The following ABHD12B variants were observed in gnomAD, a reference collection of about 807,000 sequenced individuals.
ABHD12B encodes the protein abhydrolase domain containing 12B, also known as protein ABHD12B.
Under a neutral mutation model 50.4 loss-of-function variants are expected in ABHD12B, and 42 were observed. The observed-to-expected ratio is 0.83, with a 90% CI of 0.65 to 1.08. The LOEUF (loss-of-function observed/expected upper bound fraction) is 1.08, where lower values mean the gene tolerates loss of function less well. Among genes scored for constraint, ABHD12B ranks in the 50% least tolerant of loss-of-function variants. The probability of loss-of-function intolerance (pLI) is 0.00; values close to 1 mark genes in which losing one functional copy is unlikely to be tolerated. For synonymous variants in ABHD12B, 167 were observed against 160.3 expected (o/e 1.04, Z -0.32); for missense variants, 479 against 447.7 (o/e 1.07, Z -0.63).
At position 50,876,516 on chromosome 14, in the gene ABHD12B, T is replaced by G. The variant is rs563649816; in HGVS notation, c.105-1436T>G. Among the ~76,000 whole-genome samples the G allele has an allele frequency of 1.1e-3, 171 of 152,252 alleles. 5 individuals are homozygous for G. In the South Asian group the frequency reaches 0.034, roughly 31 times the overall value. On this transcript the variant is annotated intron_variant, in intron 1 of 12. Coordinates refer to ENST00000337334, the MANE Select transcript of ABHD12B (RefSeq NM_001206673.2). ...CGGGACCCTGCTGAGAGGGCTAAGGTGCAGAAGGAGATCTTAAAACAAGAT... is the reference window on the plus strand; with the variant it reads ...CGGGACCCTGCTGAGAGGGCTAAGGGGCAGAAGGAGATCTTAAAACAAGAT...
intron 5 of ABHD12B, among the ~76,000 whole-genome samples, chr14:50,882,462 C>T (rs556566223): frequency 1.4e-4 from 20 of 140,744 alleles, no homozygotes; most frequent in Admixed American, 6.2e-4. Context: ...CTGCAAACTC[C>T]GCCTCCTGGG....
chr14:50,899,154 TGC>T (rs1270596087), intron 9 of ABHD12B, among the ~76,000 whole-genome samples: 1 of 152,146 alleles, frequency 6.6e-6, no homozygotes, highest in East Asian at 1.9e-4. Flanking sequence ...ATCGTGCCAC[TGC>T]ACTCCAGCCT....
intron 9 of ABHD12B, among the ~76,000 whole-genome samples, 200 bp from the exon 10 acceptor site, chr14:50,901,629 C>T (rs1308095966): frequency 6.6e-6 from 1 of 152,144 alleles, no homozygotes; most frequent in Admixed American, 6.5e-5. Flanking sequence ...ATTATGTGTG[C>T]TTTGTTTCTT....
chr14:50,872,101 G>A lies in ABHD12B; in HGVS notation c.-74G>A, dbSNP rs529728977. 5 of 1,117,396 alleles carry A rather than the reference G, an allele frequency of 4.5e-6. No individual in the cohort carries two copies. The African/African-American group carries it at 6.5e-5, about 15-fold the overall frequency. The allele number at this position is 1,117,396 out of a possible 1,614,324, so 69.2% of individuals were successfully genotyped here. On this transcript the variant is annotated 5_prime_UTR_variant, in exon 1 of 13. Transcript: ENST00000337334. ...GGAGGGCGGGCGCGGTGCCGCCGGG[G>A]CGGGAAGGTCGCGGGCGGCTGCTCC...
intron 9 of ABHD12B, among the ~76,000 whole-genome samples, chr14:50,897,223 C>A (rs1242196942): frequency 6.6e-6 from 1 of 152,030 alleles, no homozygotes; most frequent in African/African-American, 2.4e-5. Flanking sequence ...CAGGCATGTG[C>A]CAACACACCT....
chr14:50,878,728 T>A lies in ABHD12B; in HGVS notation c.233-17T>A. ...GGAATTTGATTCTTGAAGTTGATAA[T>A]GATTTTTACTTTCCAGTCAAAGCCC... On this transcript the variant is annotated splice_polypyrimidine_tract_variant and intron_variant, in intron 2 of 12. Transcript: ENST00000337334. 1.3e-6 allele frequency: 2 copies of A among 1,594,090 alleles called. No homozygotes were observed. The highest frequency in any genetic ancestry group is 1.7e-6 in the Non-Finnish European group (2 of 1,161,960).
intron 5 of ABHD12B, among the ~76,000 whole-genome samples, chr14:50,884,702 C>CTTTT (rs35439744): frequency 8.7e-5 from 11 of 126,590 alleles, no homozygotes; most frequent in African/African-American, 3.0e-4. Context: ...TGTATTTCTT[C>CTTTT]TTTTTTTTTT....
rs576579969 is a variant in ABHD12B, at chr14:50,888,638, C to T, written c.701-186C>T. ...GCGTGTTAAAATGCACATTCTCAGC[C>T]CTCACCCTGGAGAATCTGACTCATA... On this transcript the variant is annotated intron_variant, in intron 8 of 12. Coordinates refer to ENST00000337334, the MANE Select transcript of ABHD12B (RefSeq NM_001206673.2). Among the ~76,000 whole-genome samples the T allele has an allele frequency of 1.3e-4, 20 of 152,200 alleles. No homozygotes were observed. The South Asian group carries it at 3.5e-3, about 27-fold the overall frequency.
chr14:50,904,592 C>T lies in ABHD12B; in HGVS notation c.*226C>T. On this transcript the variant is annotated 3_prime_UTR_variant, in exon 13 of 13. Coordinates refer to ENST00000337334, the MANE Select transcript of ABHD12B (RefSeq NM_001206673.2). ...CTTTGTAAAACATGCTGAAACCTCACTGTGGAGAACCAGAATTTGGTAAAA... is the reference window on the plus strand; with the variant it reads ...CTTTGTAAAACATGCTGAAACCTCATTGTGGAGAACCAGAATTTGGTAAAA... 1.7e-6 allele frequency: 1 copy of T among 596,890 alleles called. No homozygotes were observed. The highest frequency in any genetic ancestry group is 3.0e-5 in the Admixed American group (1 of 33,712). The allele number at this position is 596,890 out of a possible 1,614,324, so 37.0% of individuals were successfully genotyped here.
chr14:50,882,097 G>A (rs954323668), intron 5 of ABHD12B, among the ~76,000 whole-genome samples: 3 of 151,710 alleles, frequency 2.0e-5, no homozygotes, highest in African/African-American at 7.3e-5. Context: ...CACCACGCCC[G>A]GCTAATTTTG....
intron 5 of ABHD12B, 69 bp from the exon 6 acceptor site, chr14:50,885,544 AT>A (rs2050023595): frequency 8.3e-6 from 13 of 1,563,644 alleles, no homozygotes; most frequent in Non-Finnish European, 1.8e-6. Flanking sequence ...ATATGGATGG[AT>A]ATAGGGAGGA....
At chr14:50,888,339 G>A (rs1438690780) in intron 8 of ABHD12B, among the ~76,000 whole-genome samples, 1 of 152,052 alleles carries the variant, frequency 6.6e-6, no homozygotes, top group East Asian at 1.9e-4. Flanking sequence ...GAGTAGCTGG[G>A]ACTACAGGCG....
In ABHD12B at chr14:50,904,452, G is replaced by T. The variant is rs2050305660; in HGVS notation, c.*86G>T. ...TTGTTCTAATGTAAAATTGTACTGG[G>T]CTGGTCGGATGAGCTGAGGCCATTG... On this transcript the variant is annotated 3_prime_UTR_variant, in exon 13 of 13. Coordinates refer to ENST00000337334, the MANE Select transcript of ABHD12B (RefSeq NM_001206673.2). 4 of 1,572,184 alleles carry T rather than the reference G, an allele frequency of 2.5e-6. No individual in the cohort carries two copies. The highest frequency in any genetic ancestry group is 2.6e-6 in the Non-Finnish European group (3 of 1,148,292).
chr14:50,892,049 A>G (rs1288174813), intron 9 of ABHD12B: 12 of 152,186 alleles, frequency 7.9e-5, no homozygotes, highest in South Asian at 2.1e-4. Context: ...TACACTTGTC[A>G]TGTTCTACAG....
chr14:50,878,793 C>T lies in ABHD12B; in HGVS notation c.281C>T (p.Pro94Leu). ...VDLKKPELKI[P>L]HTVNFYLRVE... ...TTAAAGAAACCAGAGTTAAAGATTC[C>T]TCACACAGTGAACTTCTACCTGAGA... Residue 94 changes from proline to leucine, a missense_variant, in exon 3 of 13, where the codon CCT (proline) becomes CTT (leucine). Transcript: ENST00000337334. 1 of 1,614,016 alleles carries T rather than the reference C, an allele frequency of 6.2e-7. No individual in the cohort carries two copies. Among genetic ancestry groups the T allele is most frequent in the Non-Finnish European group, 8.5e-7 (1 of 1,179,894 alleles).
intron 3 of ABHD12B, 88 bp from the exon 4 acceptor site, chr14:50,880,364 G>A (rs892328952): frequency 6.4e-5 from 86 of 1,348,814 alleles, no homozygotes; most frequent in Non-Finnish European, 7.3e-5. Flanking sequence ...TAAAATATAT[G>A]TATATATATC....
intron 9 of ABHD12B, among the ~76,000 whole-genome samples, chr14:50,897,074 T>G (rs975045805): frequency 3.2e-5 from 2 of 63,486 alleles, no homozygotes; most frequent in African/African-American, 1.6e-4. Context: ...TAGTTTAGTT[T>G]TTTTTTTTTT....
intron 9 of ABHD12B, chr14:50,895,871 A>G (rs1262773279): frequency 6.6e-6 from 1 of 152,156 alleles, no homozygotes; most frequent in Non-Finnish European, 1.5e-5. Context: ...TCTGGTGCCA[A>G]CTTAGACAAT....
Position 50,880,577 on chromosome 14 carries a change from T to C in ABHD12B, c.455+6T>C. ...CATGGCAGTGCAGAACACAGGTCAG[T>C]GGCTCTGCTTACATATTTTTTTTTC... On this transcript the variant is annotated splice_donor_region_variant and intron_variant, in intron 4 of 12. Transcript: ENST00000337334. 10 of 1,561,918 alleles carry C rather than the reference T, an allele frequency of 6.4e-6. No individual in the cohort carries two copies. Among genetic ancestry groups the C allele is most frequent in the Non-Finnish European group, 8.7e-6 (10 of 1,155,018 alleles).
Sources: allele counts gnomAD v4.1 joint callset (sites outside exome capture counted in the v4.1 genomes callset), GRCh38; gene constraint gnomAD v4.1.1; transcripts MANE v1.5; gene names NCBI Gene and HGNC (gene_info 2026-07-23, HGNC 2026-07-21).